The following SLC38A10 variants were observed in gnomAD, a reference collection of about 807,000 sequenced individuals.
The protein encoded by SLC38A10 is Sodium-coupled neutral amino acid transporter 10.
SLC38A10 carries 53 observed loss-of-function variants against 81.0 expected under a neutral mutation model. The observed-to-expected ratio is 0.65, with a 90% CI of 0.53 to 0.82. The LOEUF is 0.82. SLC38A10 is among the 40% of genes least tolerant of loss of function. The pLI, the probability that SLC38A10 is intolerant of heterozygous loss-of-function variation, is 0.00. For missense variants in SLC38A10, 1,471 were observed against 1,545.0 expected (o/e 0.95, Z 0.80); for synonymous variants, 665 against 655.3 (o/e 1.01, Z -0.23).
chr17:81,283,338 G>A lies in SLC38A10; in HGVS notation c.357+71C>T, dbSNP rs76572820. 158,674 of 1,403,712 alleles carry A rather than the reference G, an allele frequency of 0.11. 9,299 individuals carry two copies. Among genetic ancestry groups the A allele is most frequent in the African/African-American group, 0.14 (9,726 of 70,236 alleles). 87.0% of individuals were successfully genotyped at this position (1,403,712 alleles called of 1,614,324 possible). On this transcript the variant is annotated intron_variant, in intron 4 of 15. Coordinates refer to ENST00000374759, the MANE Select transcript of SLC38A10 (RefSeq NM_001037984.3). This position sits in a 1 kb window ranked among gnomAD's most constrained non-coding sequence, Gnocchi z 4.7. ...CCAGCACCCAGGTCTCGGTCCTCGGGAGGATCCCACAGAGGGCCTCAGAGC... is the reference window on the plus strand; with the variant it reads ...CCAGCACCCAGGTCTCGGTCCTCGGAAGGATCCCACAGAGGGCCTCAGAGC...
At chr17:81,250,119 G>A (rs1238717326) in intron 14 of SLC38A10, 48 of 1,285,320 alleles carry the variant, frequency 3.7e-5, no homozygotes, top group Admixed American at 7.1e-5. Flanking sequence ...AGAGGCATAC[G>A]GAAGAAAGGC....
intron 8 of SLC38A10, among the ~76,000 whole-genome samples, chr17:81,274,404 C>T (rs976824073): frequency 1.2e-4 from 18 of 152,262 alleles, no homozygotes; most frequent in Non-Finnish European, 2.4e-4. Context: ...GGGAGACCCA[C>T]CGCCCCCAAT....
intron 14 of SLC38A10, 105 bp downstream of exon 14, chr17:81,251,388 G>T: frequency 6.2e-7 from 1 of 1,612,062 alleles, no homozygotes; most frequent in Non-Finnish European, 8.5e-7. Context: ...GAGAAGGGGG[G>T]CCTGGCAGGG....
At chr17:81,292,287 C>G (rs2063317739) in intron 1 of SLC38A10, among the ~76,000 whole-genome samples, 1 of 151,996 alleles carries the variant, frequency 6.6e-6, no homozygotes, top group African/African-American at 2.4e-5. Flanking sequence ...ACATCGCGCA[C>G]AGCTAATTTC....
At chr17:81,271,935 G>C (rs1192205909) in intron 9 of SLC38A10, among the ~76,000 whole-genome samples, 1 of 151,816 alleles carries the variant, frequency 6.6e-6, no homozygotes, top group African/African-American at 2.4e-5. Flanking sequence ...CACCGTGTTA[G>C]CCAGGATGGT....
chr17:81,254,869 G>A (rs2062957921), intron 11 of SLC38A10, among the ~76,000 whole-genome samples: 1 of 152,280 alleles, frequency 6.6e-6, no homozygotes, highest in East Asian at 1.9e-4. Context: ...TGTCAATCAA[G>A]AGGGCCTGTC....
Position 81,289,262 on chromosome 17 carries a change from G to A in SLC38A10, c.217+429C>T, listed in dbSNP as rs2063291525. Among the ~76,000 whole-genome samples, 1 of 151,902 alleles carries A rather than the reference G, an allele frequency of 6.6e-6. No individual in the cohort carries two copies. Among genetic ancestry groups the A allele is most frequent in the Non-Finnish European group, 1.5e-5 (1 of 67,998 alleles). ...TCACCATGTTGTCCAGGCTCGTCTC[G>A]AACTCCTGACCTCAAATAATCCGCC... On this transcript the variant is annotated intron_variant, in intron 2 of 15. Coordinates refer to ENST00000374759, the MANE Select transcript of SLC38A10 (RefSeq NM_001037984.3). This position sits in a 1 kb window ranked among gnomAD's most constrained non-coding sequence, Gnocchi z 5.9.
At chr17:81,249,779 T>C (rs1461740879) in intron 14 of SLC38A10, among the ~76,000 whole-genome samples, 1 of 152,118 alleles carries the variant, frequency 6.6e-6, no homozygotes, top group African/African-American at 2.4e-5. Context: ...GCTGGTGCCC[T>C]AAGCAGCCTG....
At chr17:81,278,633 G>A (rs564988903) in intron 6 of SLC38A10, among the ~76,000 whole-genome samples, 1 of 152,286 alleles carries the variant, frequency 6.6e-6, no homozygotes, top group South Asian at 2.1e-4. Context: ...ACACCCAAGA[G>A]GTCTCCACGG....
intron 10 of SLC38A10, among the ~76,000 whole-genome samples, chr17:81,267,038 A>T (rs575305237): frequency 6.6e-6 from 1 of 152,348 alleles, no homozygotes; most frequent in Non-Finnish European, 1.5e-5. Flanking sequence ...CGTGAGTGTT[A>T]CCAGGGTGTG....
In SLC38A10 at chr17:81,270,612, G is replaced by A. The variant is rs935891848; in HGVS notation, c.1131+306C>T. 1.1e-4 allele frequency among the ~76,000 whole-genome samples: 17 copies of A among 152,194 alleles called. No individual in the cohort carries two copies. Among genetic ancestry groups the A allele is most frequent in the African/African-American group, 3.6e-4 (15 of 41,444 alleles). ...GGGAGGGGACTCAGAGGTGGCAGCAGGTCCATGGGCAATCAGGCATCGCAG... is the reference window on the plus strand; with the variant it reads ...GGGAGGGGACTCAGAGGTGGCAGCAAGTCCATGGGCAATCAGGCATCGCAG... On this transcript the variant is annotated intron_variant, in intron 10 of 15. Coordinates refer to ENST00000374759, the MANE Select transcript of SLC38A10 (RefSeq NM_001037984.3). The surrounding 1 kb of genome is among the most constrained non-coding windows in gnomAD (Gnocchi z 4.0).
In SLC38A10 at chr17:81,277,128, A is replaced by C; in HGVS notation, c.632T>G (p.Val211Gly). 1 of 1,613,802 alleles carries C rather than the reference A, an allele frequency of 6.2e-7. No homozygotes were observed. Among genetic ancestry groups the C allele is most frequent in the Non-Finnish European group, 8.5e-7 (1 of 1,179,906 alleles). Residue 211 changes from valine to glycine, a missense_variant, in exon 7 of 16, where the codon GTG becomes GGG. Val to Gly is a moderately radical substitution (Grantham distance 109). This residue lies in a region of SLC38A10 where 720 missense variants were observed against 827.7 expected (regional missense o/e 0.87). Coordinates refer to ENST00000374759, the MANE Select transcript of SLC38A10 (RefSeq NM_001037984.3). This position sits in a 1 kb window ranked among gnomAD's most constrained non-coding sequence, Gnocchi z 4.5. Reference protein sequence around the residue: ...FGMSFACQSQVLPTYDSLDEP... With the variant: ...FGMSFACQSQGLPTYDSLDEP... Reference sequence around the variant, plus strand: ...ATCCAGGCTGTCGTAGGTGGGCAGCACCTGGCTGTATAGAAACAGGCCATT... The same window carrying C: ...ATCCAGGCTGTCGTAGGTGGGCAGCCCCTGGCTGTATAGAAACAGGCCATT...
At chr17:81,275,920 G>A (rs531347512) in intron 8 of SLC38A10, 49 bp downstream of exon 8, 13 of 1,538,202 alleles carry the variant, frequency 8.5e-6, no homozygotes, top group East Asian at 4.7e-5. Context: ...TATGGGAAGC[G>A]AGCCTGACCT....
At position 81,286,182 on chromosome 17, in the gene SLC38A10, C is replaced by T. The variant is rs1027630422; in HGVS notation, c.218-1287G>A. On this transcript the variant is annotated intron_variant, in intron 2 of 15. Transcript: ENST00000374759. This position sits in a 1 kb window ranked among gnomAD's most constrained non-coding sequence, Gnocchi z 6.0. ...ACAGCCCGGAAGCAACAAAACACGG[C>T]GCTCCAAACATGAAGTTGCTCCTGG... Among the ~76,000 whole-genome samples the T allele has an allele frequency of 7.2e-5, 11 of 152,218 alleles. No homozygotes were observed. Among genetic ancestry groups the T allele is most frequent in the African/African-American group, 2.2e-4 (9 of 41,454 alleles).
chr17:81,276,253 C>G lies in SLC38A10; in HGVS notation c.730-102G>C, dbSNP rs537174631. On this transcript the variant is annotated intron_variant, in intron 7 of 15. Coordinates refer to ENST00000374759, the MANE Select transcript of SLC38A10 (RefSeq NM_001037984.3). The surrounding 1 kb of genome is among the most constrained non-coding windows in gnomAD (Gnocchi z 4.7). ...TGGGGGGGACCTGTGCCCTGCCCCC[C>G]AGAATGGCCTTCAATCCACTTCATA... is the stretch of plus-strand genomic sequence containing the variant. 15 of 1,110,374 alleles carry G rather than the reference C, an allele frequency of 1.4e-5. No individual in the cohort carries two copies. The highest frequency in any genetic ancestry group is 1.1e-4 in the East Asian group (4 of 36,516). 68.8% of individuals were successfully genotyped at this position (1,110,374 alleles called of 1,614,324 possible). A position where few individuals can be genotyped will look rare whatever the true frequency, so the allele number is the denominator to read the frequency against.
chr17:81,268,002 C>T (rs1056805472), intron 10 of SLC38A10, among the ~76,000 whole-genome samples: 6 of 151,322 alleles, frequency 4.0e-5, no homozygotes, highest in African/African-American at 1.2e-4. Context: ...AAGGAAACCT[C>T]GGAGAAGGAC....
Position 81,278,044 on chromosome 17 carries a change from G to A in SLC38A10, c.627-911C>T, listed in dbSNP as rs187952412. Among the ~76,000 whole-genome samples, 461 of 144,776 alleles carry A rather than the reference G, an allele frequency of 3.2e-3. 4 individuals carry two copies. Among genetic ancestry groups the A allele is most frequent in the Non-Finnish European group, 4.8e-3 (317 of 65,958 alleles). The allele number at this position is 144,776 out of a possible 152,430, so 95.0% of individuals were successfully genotyped here. On this transcript the variant is annotated intron_variant, in intron 6 of 15. Coordinates refer to ENST00000374759, the MANE Select transcript of SLC38A10 (RefSeq NM_001037984.3). ...AAGCTAGGTGGGCCGGGGGAGGGCG[G>A]GATGCAGAAAGCCAGCAGCCAGTAA...
Position 81,252,323 on chromosome 17 carries a change from C to G in SLC38A10, c.1817G>C (p.Arg606Pro), listed in dbSNP as rs755191099. 6.2e-7 allele frequency: 1 copy of G among 1,612,672 alleles called. No individual in the cohort carries two copies. The highest frequency in any genetic ancestry group is 1.1e-5 in the South Asian group (1 of 91,064). Residue 606 changes from arginine (R) to proline (P), a missense_variant, in exon 13 of 16, where the codon CGG becomes CCG. This residue lies in a region of SLC38A10 where 751 missense variants were observed against 717.4 expected (regional missense o/e 1.05). Transcript: ENST00000374759. ...LGPGDRGLHP[R>P]PQAVLSEQQN... ...CTGCTCAGACAGCACTGCCTGGGGC[C>G]GAGGATGCAGGCCCCTGTCTCCTGG...
In SLC38A10 at chr17:81,246,879, G is replaced by A; in HGVS notation, c.2242+6C>T. 3 of 1,583,288 alleles carry A rather than the reference G, an allele frequency of 1.9e-6. No individual in the cohort carries two copies. Among genetic ancestry groups the A allele is most frequent in the Non-Finnish European group, 2.6e-6 (3 of 1,161,894 alleles). Reference sequence around the variant, plus strand: ...CCACCCCACTCCATCCGCCAGCCCGGCCTACCCTGCCTGGGTTTATCCTCC... The same window carrying A: ...CCACCCCACTCCATCCGCCAGCCCGACCTACCCTGCCTGGGTTTATCCTCC... On this transcript the variant is annotated splice_donor_region_variant and intron_variant, in intron 15 of 15. Transcript: ENST00000374759.
Sources: gnomAD v4.1 joint callset for allele counts (sites outside exome capture counted in the v4.1 genomes callset) on GRCh38, gnomAD v4.1.1 for gene constraint, gnomAD v4.1.1 regional missense constraint, Gnocchi (gnomAD v3.1) non-coding constraint, MANE v1.5 for transcripts, NCBI Gene and HGNC (gene_info 2026-07-23, HGNC 2026-07-21) for gene names.